Variants in RIMS2 observed in about 807,000 individuals in gnomAD.
RIMS2 encodes the protein regulating synaptic membrane exocytosis 2.
A neutral mutation model predicts 174.4 loss-of-function variants in RIMS2; 59 were observed. The observed-to-expected ratio is 0.34, with a 90% CI of 0.27 to 0.42. RIMS2 has a LOEUF of 0.42. Ranked by LOEUF, RIMS2 falls within the 10% of genes least tolerant of loss-of-function variation. The pLI, the probability that RIMS2 is intolerant of heterozygous loss-of-function variation, is 1.00. For synonymous variants in RIMS2, 606 were observed against 572.5 expected (o/e 1.06, Z -0.84); for missense variants, 1,620 against 1,666.3 (o/e 0.97, Z 0.48).
intron 2 of RIMS2, among the ~76,000 whole-genome samples, chr8:103,743,295 A>G (rs2097777967): frequency 6.6e-6 from 1 of 152,216 alleles, no homozygotes; most frequent in South Asian, 2.1e-4. Flanking sequence ...CCAATTGACT[A>G]CAATGAATAC....
At chr8:103,711,374 T>G (rs959675553) in intron 2 of RIMS2, among the ~76,000 whole-genome samples, 2 of 152,148 alleles carry the variant, frequency 1.3e-5, no homozygotes, top group Non-Finnish European at 2.9e-5. Flanking sequence ...TTTGGCAAGA[T>G]TCTATTGCCT....
intron 19 of RIMS2, among the ~76,000 whole-genome samples, chr8:104,078,026 C>T (rs1045644763): frequency 3.3e-5 from 5 of 151,810 alleles, no homozygotes; most frequent in African/African-American, 4.8e-5. Context: ...TGCCTGTAAT[C>T]CCAGCTAGTT....
intron 1 of RIMS2, among the ~76,000 whole-genome samples, chr8:103,515,497 CA>C (rs1828568184): frequency 6.6e-6 from 1 of 152,136 alleles, no homozygotes; most frequent in African/African-American, 2.4e-5. Flanking sequence ...CTTTTCCTTT[CA>C]TAGACAACAA....
chr8:103,876,696 G>C (rs952083802), intron 3 of RIMS2, among the ~76,000 whole-genome samples: 1 of 150,384 alleles, frequency 6.6e-6, no homozygotes, highest in Non-Finnish European at 1.5e-5. Context: ...TATGATGTTT[G>C]CTTTTCCATT....
At chr8:103,940,005 T>C (rs963782030) in intron 13 of RIMS2, among the ~76,000 whole-genome samples, 3 of 152,204 alleles carry the variant, frequency 2.0e-5, no homozygotes, top group Admixed American at 6.5e-5. Flanking sequence ...AGTTCCAAAC[T>C]TTCCTACATT....
intron 15 of RIMS2, among the ~76,000 whole-genome samples, chr8:103,965,962 G>A (rs111509089): frequency 6.6e-6 from 1 of 152,174 alleles, no homozygotes; most frequent in African/African-American, 2.4e-5. Flanking sequence ...ATTTTTGAAT[G>A]TGGAAACAGC....
chr8:103,565,622 T>C (rs1272240759), intron 1 of RIMS2, among the ~76,000 whole-genome samples: 7 of 152,200 alleles, frequency 4.6e-5, no homozygotes, highest in African/African-American at 1.7e-4. Flanking sequence ...CTGTGGAATT[T>C]TATATAATTG....
intron 3 of RIMS2, among the ~76,000 whole-genome samples, chr8:103,876,444 T>C (rs2099137445): frequency 6.6e-6 from 1 of 151,814 alleles, no homozygotes; most frequent in Non-Finnish European, 1.5e-5. Context: ...TCGTCTGATT[T>C]TTTTAAATTT....
chr8:103,625,133 G>T (rs970368050), intron 1 of RIMS2, among the ~76,000 whole-genome samples: 1 of 151,928 alleles, frequency 6.6e-6, no homozygotes, highest in Admixed American at 6.6e-5. Flanking sequence ...GGTTGGATAT[G>T]TAAAGGGCTG....
intron 3 of RIMS2, among the ~76,000 whole-genome samples, chr8:103,787,842 C>T (rs1396396842): frequency 6.6e-6 from 1 of 152,110 alleles, no homozygotes; most frequent in Middle Eastern, 3.2e-3. Flanking sequence ...GGGAAGTTCT[C>T]CTGGATAATA....
intron 13 of RIMS2, among the ~76,000 whole-genome samples, chr8:103,937,248 C>T (rs755540596): frequency 1.2e-4 from 18 of 152,130 alleles, no homozygotes; most frequent in African/African-American, 1.9e-4. Flanking sequence ...AGTGGTTCTA[C>T]GTATTCTGAC....
chr8:103,625,020 C>T (rs1334296821), intron 1 of RIMS2, among the ~76,000 whole-genome samples: 2 of 152,030 alleles, frequency 1.3e-5, no homozygotes, highest in Non-Finnish European at 2.9e-5. Context: ...AGTTTATATC[C>T]TGTCAGATTC....
Position 103,785,004 on chromosome 8 carries a change from C to G in RIMS2, c.698+18467C>G, listed in dbSNP as rs1256106825. Among the ~76,000 whole-genome samples the G allele has an allele frequency of 2.1e-5, 3 of 141,524 alleles. 1 individual carries two copies. The highest frequency in any genetic ancestry group is 8.1e-5 in the African/African-American group (3 of 37,212). The allele number at this position is 141,524 out of a possible 152,430, so 92.8% of individuals were successfully genotyped here. On this transcript the variant is annotated intron_variant, in intron 3 of 23. Coordinates refer to ENST00000504942, the Ensembl canonical transcript of RIMS2. ...CTTCACATCCCTTGTAAGTTGGATT[C>G]CTAGGTATTTTATTCTCTTTGAAGC...
Position 103,634,844 on chromosome 8 carries a change from C to CT in RIMS2, c.177-62233dup, listed in dbSNP as rs571420022. On this transcript the variant is annotated intron_variant, in intron 1 of 23. Transcript: ENST00000504942. ...TCTGAAATGAGGATTGTCAACCCTGCTTTTTTTTTCTGTTTTTCATTTGCT... is the reference window on the plus strand; with the variant it reads ...TCTGAAATGAGGATTGTCAACCCTGCTTTTTTTTTTCTGTTTTTCATTTGCT... Among the ~76,000 whole-genome samples the CT allele has an allele frequency of 1.3e-3, 202 of 151,308 alleles. 1 individual carries two copies. The highest frequency in any genetic ancestry group is 3.0e-3 in the African/African-American group (124 of 41,226).
At chr8:103,846,727 G>T (rs2098969793) in intron 3 of RIMS2, among the ~76,000 whole-genome samples, 1 of 152,120 alleles carries the variant, frequency 6.6e-6, no homozygotes, top group African/African-American at 2.4e-5. Context: ...TCAGGCACAG[G>T]TCCTCCAGGA....
intron 2 of RIMS2, among the ~76,000 whole-genome samples, chr8:103,764,947 G>T (rs898866041): frequency 6.6e-6 from 1 of 152,074 alleles, no homozygotes; most frequent in Non-Finnish European, 1.5e-5. Context: ...ATAAAAATGA[G>T]CAAGTACAAT....
At chr8:103,911,672 C>CGA (rs2075697025) in intron 5 of RIMS2, among the ~76,000 whole-genome samples, 1 of 152,082 alleles carries the variant, frequency 6.6e-6, no homozygotes, top group Non-Finnish European at 1.5e-5. Flanking sequence ...TAAATGAATT[C>CGA]ACTTGCGTAG....
At chr8:103,783,456 T>G (rs1402791908) in intron 3 of RIMS2, among the ~76,000 whole-genome samples, 2 of 148,830 alleles carry the variant, frequency 1.3e-5, no homozygotes, top group Non-Finnish European at 3.0e-5. Context: ...GAGTGTGATA[T>G]TCCCCTTCAT....
At chr8:103,785,481 G>T (rs571061529) in intron 3 of RIMS2, among the ~76,000 whole-genome samples, 3 of 151,988 alleles carry the variant, frequency 2.0e-5, no homozygotes, top group Non-Finnish European at 4.4e-5. Flanking sequence ...TAGCATGAAG[G>T]GTTGTTGAAT....
Sources: gnomAD v4.1 joint callset for allele counts (sites outside exome capture counted in the v4.1 genomes callset) on GRCh38, gnomAD v4.1.1 for gene constraint, MANE v1.5 for transcripts, NCBI Gene and HGNC (gene_info 2026-07-23, HGNC 2026-07-21) for gene names.